LRP1B: variants seen among roughly 807,000 people sequenced by gnomAD.
LRP1B encodes the protein low-density lipoprotein receptor-related protein 1B.
LRP1B carries 217 observed loss-of-function variants against 556.6 expected under a neutral mutation model. The ratio of observed to expected loss-of-function variants is 0.39; its 90% CI spans 0.35 to 0.44. The LOEUF (loss-of-function observed/expected upper bound fraction) is 0.44, where lower values mean the gene tolerates loss of function less well. Among genes scored for constraint, LRP1B ranks in the 20% least tolerant of loss-of-function variants. The probability of loss-of-function intolerance (pLI) is 1.00; values close to 1 mark genes in which losing one functional copy is unlikely to be tolerated. For synonymous variants in LRP1B, 2,047 were observed against 1,865.8 expected (o/e 1.10, Z -2.50); for missense variants, 5,053 against 5,620.8 (o/e 0.90, Z 3.23).
At chr2:141,116,512 A>G (rs1305305575) in intron 7 of LRP1B, among the ~76,000 whole-genome samples, 3 of 152,178 alleles carry the variant, frequency 2.0e-5, no homozygotes, top group African/African-American at 7.2e-5. Flanking sequence ...TTATCCAGTC[A>G]TGTGCTACAT....
At chr2:140,492,830 A>T in intron 56 of LRP1B, 137 bp from the exon 57 acceptor site, 1 of 614,296 alleles carries the variant, frequency 1.6e-6, no homozygotes, top group Non-Finnish European at 2.9e-6. Flanking sequence ...AAAAAGGATC[A>T]TACTGAGCAA....
intron 3 of LRP1B, among the ~76,000 whole-genome samples, chr2:141,352,499 G>A (rs1375438934): frequency 6.6e-6 from 1 of 151,792 alleles, no homozygotes; most frequent in Non-Finnish European, 1.5e-5. Flanking sequence ...TAACCATAGA[G>A]TAAGCACCTT....
At chr2:140,748,754 ATAT>A in intron 35 of LRP1B, among the ~76,000 whole-genome samples, 1 of 133,924 alleles carries the variant, frequency 7.5e-6, no homozygotes, top group African/African-American at 2.7e-5. Flanking sequence ...AATATGATAT[ATAT>A]TATATACATG....
intron 32 of LRP1B, among the ~76,000 whole-genome samples, chr2:140,799,933 G>A (rs111856351): frequency 4.2e-4 from 64 of 152,202 alleles, no homozygotes; most frequent in South Asian, 3.3e-3. Context: ...GCAGCCCACC[G>A]AGCATGAGCT....
At chr2:141,419,310 T>C (rs896392869) in intron 3 of LRP1B, among the ~76,000 whole-genome samples, 12 of 152,154 alleles carry the variant, frequency 7.9e-5, no homozygotes, top group African/African-American at 2.9e-4. Context: ...CCTCATAAAA[T>C]GAGTTTGAAA....
At chr2:140,744,866 C>T (rs1257589309) in intron 35 of LRP1B, among the ~76,000 whole-genome samples, 3 of 151,980 alleles carry the variant, frequency 2.0e-5, no homozygotes, top group Non-Finnish European at 4.4e-5. Flanking sequence ...GAGATTTTGC[C>T]AATTTTTTTT....
chr2:140,301,194 C>T (rs575907912), intron 83 of LRP1B, among the ~76,000 whole-genome samples: 1 of 152,112 alleles, frequency 6.6e-6, no homozygotes, highest in East Asian at 1.9e-4. Flanking sequence ...TTCTACCTTT[C>T]TAAAGGAAAG....
intron 2 of LRP1B, among the ~76,000 whole-genome samples, chr2:141,527,159 G>T (rs1353143672): frequency 6.6e-6 from 1 of 151,994 alleles, no homozygotes; most frequent in East Asian, 1.9e-4. Flanking sequence ...TTAGGCAGAA[G>T]CTCATTGCTT....
intron 2 of LRP1B, among the ~76,000 whole-genome samples, chr2:141,592,437 G>T (rs1033543801): frequency 2.0e-5 from 3 of 152,030 alleles, no homozygotes; most frequent in African/African-American, 7.2e-5. Context: ...TCTTTTATGA[G>T]GGCACTAATC....
chr2:141,889,104 T>C (rs1391237633), intron 1 of LRP1B, among the ~76,000 whole-genome samples: 1 of 152,172 alleles, frequency 6.6e-6, no homozygotes, highest in Non-Finnish European at 1.5e-5. Context: ...GTTAAAGCCT[T>C]CCAATTTATG....
At chr2:140,261,886 A>C (rs975374958) in intron 86 of LRP1B, among the ~76,000 whole-genome samples, 1 of 152,050 alleles carries the variant, frequency 6.6e-6, no homozygotes, top group African/African-American at 2.4e-5. Flanking sequence ...TTTCTAAAAA[A>C]GTCTGTGGTC....
chr2:142,049,772 A>T (rs981545162), intron 1 of LRP1B, among the ~76,000 whole-genome samples: 3 of 152,134 alleles, frequency 2.0e-5, no homozygotes, highest in East Asian at 1.9e-4. Context: ...CACTGATTCC[A>T]TTTAAGATGG....
At chr2:141,057,623 C>T (rs146716061) in intron 9 of LRP1B, among the ~76,000 whole-genome samples, 1 of 151,874 alleles carries the variant, frequency 6.6e-6, no homozygotes, top group East Asian at 2.0e-4. Context: ...GGGGGTTTTC[C>T]TGCACAAGCT....
intron 63 of LRP1B, among the ~76,000 whole-genome samples, chr2:140,446,293 T>C (rs1686657418): frequency 6.6e-6 from 1 of 152,166 alleles, no homozygotes; most frequent in African/African-American, 2.4e-5. Flanking sequence ...TGGAAGCCCA[T>C]CTGAGCTTCA....
rs6429939 is a variant in LRP1B at position 141,984,508 on chromosome 2, T to A, written c.82+146140A>T. On this transcript the variant is annotated intron_variant, in intron 1 of 90. Transcript: ENST00000389484. ...AATAAATATATATAGAAGGTATGAT[T>A]GAGGAAAAAAGCATTAAGGACCACC... Among the ~76,000 whole-genome samples, 16 of 151,998 alleles carry A rather than the reference T, an allele frequency of 1.1e-4. No individual in the cohort carries two copies. The East Asian group carries it at 1.9e-3, about 18-fold the overall frequency.
At chr2:140,852,341 A>G (rs965566466) in intron 27 of LRP1B, among the ~76,000 whole-genome samples, 2 of 152,160 alleles carry the variant, frequency 1.3e-5, no homozygotes, top group African/African-American at 4.8e-5. Context: ...AGAAACAAAC[A>G]AAAAAAGACG....
At chr2:140,835,110 G>A (rs544322069) in intron 31 of LRP1B, among the ~76,000 whole-genome samples, 29 of 152,196 alleles carry the variant, frequency 1.9e-4, no homozygotes, top group African/African-American at 7.0e-4. Context: ...ATACTTCTTT[G>A]GTCTATTTTG....
chr2:141,206,870 T>C (rs998732324), intron 6 of LRP1B, among the ~76,000 whole-genome samples: 1 of 152,208 alleles, frequency 6.6e-6, no homozygotes, highest in Non-Finnish European at 1.5e-5. Context: ...AGACATTTAC[T>C]TGGAGTTGTG....
intron 35 of LRP1B, among the ~76,000 whole-genome samples, chr2:140,732,014 C>T (rs1573636213): frequency 6.6e-6 from 1 of 152,004 alleles, no homozygotes; most frequent in East Asian, 1.9e-4. Context: ...AAATGTTTGG[C>T]AAGCCATACA....
Sources: gnomAD v4.1 joint callset for allele counts (sites outside exome capture counted in the v4.1 genomes callset) on GRCh38, gnomAD v4.1.1 for gene constraint, MANE v1.5 for transcripts, NCBI Gene and HGNC (gene_info 2026-07-23, HGNC 2026-07-21) for gene names.